The following FAAH2 variants were observed in gnomAD, a reference collection of about 807,000 sequenced individuals.
The protein encoded by FAAH2 is fatty acid amide hydrolase 2.
In FAAH2, 60 loss-of-function variants were observed where a neutral mutation model predicts 36.9. That is an observed-to-expected ratio of 1.63 (90% CI 1.32 to 2.02). The LOEUF (loss-of-function observed/expected upper bound fraction) is 2.02, where lower values mean the gene tolerates loss of function less well. FAAH2 is among the 30% of genes most tolerant of loss of function. The pLI, the probability that FAAH2 is intolerant of heterozygous loss-of-function variation, is 0.00. For synonymous variants in FAAH2, 214 were observed against 143.8 expected, an observed-to-expected ratio of 1.49 and a Z score of -3.49; for missense variants, 689 against 397.5, an observed-to-expected ratio of 1.73 and a Z score of -6.23.
At chrX:57,373,944 C>A (rs1356870431) in intron 5 of FAAH2, among the ~76,000 whole-genome samples, 1 of 111,272 alleles carries the variant, frequency 9.0e-6, no homozygotes, top group African/African-American at 3.3e-5. Flanking sequence ...TGTGGTTAGC[C>A]AATTATCCCA....
rs1437659086 is a variant in FAAH2 at position 57,488,775 on chromosome X, G to A, written c.1442G>A (p.Gly481Asp). Residue 481 changes from glycine to aspartate, a missense_variant, in exon 11 of 11, where the codon GGT becomes GAT. Coordinates refer to ENST00000374900, the MANE Select transcript of FAAH2 (RefSeq NM_174912.4). ...TCTTCAGGTGTCTTCAGTGCCCTGG[G>A]TTTGCCTGTGACCCAATGCCCACTG... Reference protein sequence around the residue: ...FAYTGVFSALGLPVTQCPLGL... With the variant: ...FAYTGVFSALDLPVTQCPLGL... 1.7e-6 allele frequency: 2 copies of A among 1,210,359 alleles called. No homozygotes were observed. The highest frequency in any genetic ancestry group is 3.0e-5 in the East Asian group (1 of 33,703).
At chrX:57,295,013 G>C (rs1419728573) in intron 2 of FAAH2, among the ~76,000 whole-genome samples, 1 of 112,233 alleles carries the variant, frequency 8.9e-6, no homozygotes, top group African/African-American at 3.2e-5. Flanking sequence ...CTAGGTATGA[G>C]GGAACAAAGG....
chrX:57,337,660 A>G (rs183436399), intron 4 of FAAH2, among the ~76,000 whole-genome samples: 1 of 112,300 alleles, frequency 8.9e-6, no homozygotes, highest in Non-Finnish European at 1.9e-5. Context: ...AAAAAACATG[A>G]TTATTTCAAT....
upstream of FAAH2, among the ~76,000 whole-genome samples, chrX:57,283,888 A>G (rs2051776560): frequency 8.9e-6 from 1 of 112,014 alleles, no homozygotes; most frequent in Non-Finnish European, 1.9e-5. Flanking sequence ...TTTATGTGGA[A>G]GCAGAGTGAT....
At chrX:57,487,626 A>G (rs778520685) in intron 10 of FAAH2, among the ~76,000 whole-genome samples, 1 of 112,417 alleles carries the variant, frequency 8.9e-6, no homozygotes, top group Non-Finnish European at 1.9e-5. Flanking sequence ...ATAAGGGTTA[A>G]TGAGCATGTG....
intron 1 of FAAH2, among the ~76,000 whole-genome samples, chrX:57,290,091 T>G (rs939893829): frequency 7.2e-5 from 8 of 111,612 alleles, no homozygotes; most frequent in Admixed American, 6.7e-4. Context: ...ACATTACATG[T>G]GTTGCTAGGA....
intron 6 of FAAH2, among the ~76,000 whole-genome samples, chrX:57,379,497 G>A (rs771831259): frequency 9.4e-6 from 1 of 106,112 alleles, no homozygotes; most frequent in Non-Finnish European, 1.9e-5. Flanking sequence ...TCTCATCTTA[G>A]TATGACTTTA....
At chrX:57,387,281 TAA>T (rs1311714981) in intron 7 of FAAH2, among the ~76,000 whole-genome samples, 9 of 111,385 alleles carry the variant, frequency 8.1e-5, no homozygotes, top group African/African-American at 2.9e-4. Flanking sequence ...AAATTAGAAA[TAA>T]GAGGTATGAC....
chrX:57,161,556 C>A, the FAAH2 span, among the ~76,000 whole-genome samples: 1 of 111,645 alleles, frequency 9.0e-6, no homozygotes, highest in East Asian at 2.8e-4. Context: ...GTATTGGGTG[C>A]ATATGTATTT....
At chrX:57,257,610 G>A in the FAAH2 span, among the ~76,000 whole-genome samples, 1 of 110,465 alleles carries the variant, frequency 9.1e-6, no homozygotes, top group African/African-American at 3.3e-5. Context: ...GTTGATGGGT[G>A]CAGCAAACCA....
chrX:57,347,397 G>A (rs189289564), intron 5 of FAAH2, among the ~76,000 whole-genome samples: 1 of 111,026 alleles, frequency 9.0e-6, no homozygotes, highest in African/African-American at 3.3e-5. Flanking sequence ...GTAGTGAAAT[G>A]TTTAATTCCA....
chrX:57,352,936 A>G (rs891244567), intron 5 of FAAH2, among the ~76,000 whole-genome samples: 1 of 110,691 alleles, frequency 9.0e-6, no homozygotes, highest in Admixed American at 9.7e-5. Flanking sequence ...TACAAAACAC[A>G]GATAAAAGCA....
intron 3 of FAAH2, among the ~76,000 whole-genome samples, chrX:57,328,908 T>G (rs1244122561): frequency 5.4e-5 from 6 of 111,668 alleles, no homozygotes; most frequent in Non-Finnish European, 1.1e-4. Flanking sequence ...CTCTGACTTT[T>G]GAAGGTTAGG....
intron 7 of FAAH2, among the ~76,000 whole-genome samples, chrX:57,418,237 C>G (rs895684288): frequency 1.8e-5 from 2 of 111,423 alleles, no homozygotes; most frequent in African/African-American, 3.3e-5. Context: ...GGGGAGTGAA[C>G]AGTTCTGTTT....
the FAAH2 span, among the ~76,000 whole-genome samples, chrX:57,150,345 A>G: frequency 9.0e-6 from 1 of 111,658 alleles, no homozygotes; most frequent in African/African-American, 3.3e-5. Flanking sequence ...GATCTGTCTA[A>G]TGTTGACAGT....
intron 5 of FAAH2, among the ~76,000 whole-genome samples, chrX:57,372,803 GA>G (rs2054584376): frequency 9.1e-6 from 1 of 110,227 alleles, no homozygotes; most frequent in Non-Finnish European, 1.9e-5. Flanking sequence ...GGTGATTTCT[GA>G]GATTTTGGTG....
the FAAH2 span, among the ~76,000 whole-genome samples, chrX:57,123,579 C>T: frequency 8.9e-6 from 1 of 112,292 alleles, no homozygotes; most frequent in Non-Finnish European, 1.9e-5. Context: ...AATCGCCACG[C>T]TGACTTCCAC....
the FAAH2 span, among the ~76,000 whole-genome samples, chrX:57,231,169 A>G: frequency 7.3e-5 from 8 of 109,828 alleles, no homozygotes; most frequent in Non-Finnish European, 1.5e-4. Flanking sequence ...AAAATTAACT[A>G]AAGTTGGGTT....
chrX:57,436,152 C>A (rs1200871431), intron 8 of FAAH2, among the ~76,000 whole-genome samples: 1 of 110,574 alleles, frequency 9.0e-6, no homozygotes, highest in Non-Finnish European at 1.9e-5. Context: ...GAAATTATAG[C>A]AATTTTTGAA....
Sources: allele counts gnomAD v4.1 joint callset (sites outside exome capture counted in the v4.1 genomes callset), GRCh38; gene constraint gnomAD v4.1.1; transcripts MANE v1.5; gene names NCBI Gene and HGNC (gene_info 2026-07-23, HGNC 2026-07-21).